PTER: variants seen among roughly 807,000 people sequenced by gnomAD.
The protein encoded by PTER is phosphotriesterase related, also known as N-acetyltaurine hydrolase.
PTER carries 38 observed loss-of-function variants against 29.6 expected under a neutral mutation model. The observed-to-expected ratio is 1.28, with a 90% CI of 0.99 to 1.68. The LOEUF (loss-of-function observed/expected upper bound fraction) is 1.68, where lower values mean the gene tolerates loss of function less well. PTER is among the 40% of genes most tolerant of loss of function. The probability of loss-of-function intolerance (pLI) is 0.00; values close to 1 mark genes in which losing one functional copy is unlikely to be tolerated. For missense variants in PTER, 482 were observed against 427.8 expected (o/e 1.13, Z -1.12); for synonymous variants, 172 against 154.5 (o/e 1.11, Z -0.84).
intron 3 of PTER, among the ~76,000 whole-genome samples, chr10:16,492,017 G>C (rs1046837805): frequency 2.0e-5 from 3 of 152,132 alleles, no homozygotes; most frequent in Non-Finnish European, 2.9e-5. Flanking sequence ...AGGGGCATTT[G>C]GGACCCTGAG....
chr10:16,496,838 G>A (rs1836124616), intron 3 of PTER, among the ~76,000 whole-genome samples: 1 of 151,954 alleles, frequency 6.6e-6, no homozygotes, highest in Admixed American at 6.6e-5. Flanking sequence ...ATGGATGGAT[G>A]ATTCCCCTCT....
chr10:16,513,283 C>T lies in PTER; in HGVS notation c.*2027C>T, dbSNP rs1588638911. On this transcript the variant is annotated 3_prime_UTR_variant, in exon 5 of 5. Coordinates refer to ENST00000535784, the MANE Select transcript of PTER (RefSeq NM_001261836.2). ...TATTGTCATTCAAAATATATTTTAA[C>T]CCAAAATAAGTTAAATAATTTGTGC... The T allele has an allele frequency of 6.6e-6, 1 of 152,454 alleles. No individual in the cohort carries two copies. The highest frequency in any genetic ancestry group is 1.5e-5 in the Non-Finnish European group (1 of 67,954). 9.4% of individuals were successfully genotyped at this position (152,454 alleles called of 1,614,324 possible). A position where few individuals can be genotyped will look rare whatever the true frequency, so the allele number is the denominator to read the frequency against.
At chr10:16,440,481 C>G (rs1230315447) in intron 1 of PTER, among the ~76,000 whole-genome samples, 1 of 152,162 alleles carries the variant, frequency 6.6e-6, no homozygotes, top group Non-Finnish European at 1.5e-5. Context: ...TGTGGTTGTA[C>G]CTATTTTGTC....
intron 1 of PTER, among the ~76,000 whole-genome samples, chr10:16,451,810 C>T (rs1395372291): frequency 3.3e-5 from 5 of 152,008 alleles, no homozygotes; most frequent in Non-Finnish European, 5.9e-5. Context: ...GTTATTACCC[C>T]CCAGAAAAGG....
At chr10:16,448,099 C>G (rs1230265822) in intron 1 of PTER, among the ~76,000 whole-genome samples, 2 of 152,148 alleles carry the variant, frequency 1.3e-5, no homozygotes, top group East Asian at 3.9e-4. Flanking sequence ...CTACCAAAGC[C>G]CAGTAACTGG....
chr10:16,507,227 AATAT>A (rs1836609179), intron 4 of PTER, among the ~76,000 whole-genome samples: 1 of 129,324 alleles, frequency 7.7e-6, no homozygotes, highest in African/African-American at 3.1e-5. Flanking sequence ...TATATGTTCA[AATAT>A]ATATACTGTA....
chr10:16,497,707 C>T (rs934530608), intron 3 of PTER, among the ~76,000 whole-genome samples: 1 of 152,166 alleles, frequency 6.6e-6, no homozygotes, highest in Non-Finnish European at 1.5e-5. Context: ...GCCCACAGAC[C>T]CTTGTCTAAA....
At chr10:16,492,213 G>T (rs1835924282) in intron 3 of PTER, among the ~76,000 whole-genome samples, 1 of 152,152 alleles carries the variant, frequency 6.6e-6, no homozygotes, top group Non-Finnish European at 1.5e-5. Flanking sequence ...CCTGTTGGTT[G>T]CTGTGAATTT....
At chr10:16,478,279 G>A (rs762616121) in intron 1 of PTER, among the ~76,000 whole-genome samples, 15 of 151,596 alleles carry the variant, frequency 9.9e-5, no homozygotes, top group Non-Finnish European at 1.5e-4. Flanking sequence ...GTTGCACTTC[G>A]ATCTGGGTTG....
intron 1 of PTER, among the ~76,000 whole-genome samples, chr10:16,471,654 C>T (rs2133417768): frequency 6.6e-6 from 1 of 152,174 alleles, no homozygotes; most frequent in Admixed American, 6.6e-5. Flanking sequence ...TTATTTTCCT[C>T]ATTTTTTTCT....
intron 3 of PTER, among the ~76,000 whole-genome samples, chr10:16,497,759 A>T (rs1397911941): frequency 1.3e-5 from 2 of 152,192 alleles, no homozygotes; most frequent in African/African-American, 2.4e-5. Context: ...CACAGAGTGC[A>T]TTTTGACATT....
chr10:16,500,392 G>A (rs917739348), intron 3 of PTER, among the ~76,000 whole-genome samples: 9 of 152,034 alleles, frequency 5.9e-5, no homozygotes, highest in African/African-American at 2.2e-4. Context: ...TGGGACCACA[G>A]GCACACACCA....
At chr10:16,457,204 G>T (rs1324808861) in intron 1 of PTER, among the ~76,000 whole-genome samples, 1 of 151,314 alleles carries the variant, frequency 6.6e-6, no homozygotes, top group South Asian at 2.1e-4. Context: ...TGTTTTGTTT[G>T]TTTGTTTGTT....
At chr10:16,499,682 G>C (rs1400021747) in intron 3 of PTER, among the ~76,000 whole-genome samples, 1 of 151,968 alleles carries the variant, frequency 6.6e-6, no homozygotes, top group Non-Finnish European at 1.5e-5. Flanking sequence ...GAGCTCAAGT[G>C]ACCCTTCCAC....
chr10:16,502,812 A>T lies in PTER; in HGVS notation c.699-2208A>T, dbSNP rs184343162. 6.7e-3 allele frequency among the ~76,000 whole-genome samples: 1,021 copies of T among 151,880 alleles called. 7 individuals carry two copies. Among genetic ancestry groups the T allele is most frequent in the African/African-American group, 0.024 (987 of 41,390 alleles). On this transcript the variant is annotated intron_variant, in intron 3 of 4. Transcript: ENST00000535784. ...AAGACCAGCCTGGCCAACATGGCAAAACCCCGTCTTTACTAAAAATACAAC... is the reference window on the plus strand; with the variant it reads ...AAGACCAGCCTGGCCAACATGGCAATACCCCGTCTTTACTAAAAATACAAC...
At position 16,499,428 on chromosome 10, in the gene PTER, T is replaced by TTTTATTTA. The variant is rs144839001; in HGVS notation, c.699-5578_699-5571dup. The stretch of plus-strand genomic sequence containing the variant: ...CCCTTTTTTATTTTTAATTTAATTA[T>TTTTATTTA]TTTATTTATTTATTTATTTATATTT... On this transcript the variant is annotated intron_variant, in intron 3 of 4. Coordinates refer to ENST00000535784, the MANE Select transcript of PTER (RefSeq NM_001261836.2). Among the ~76,000 whole-genome samples the TTTTATTTA allele has an allele frequency of 9.2e-5, 14 of 151,362 alleles. No individual in the cohort carries two copies. In the East Asian group the frequency reaches 1.4e-3, roughly 15 times the overall value.
At chr10:16,475,916 G>T (rs1223600368) in intron 1 of PTER, 3 of 152,096 alleles carry the variant, frequency 2.0e-5, no homozygotes, top group African/African-American at 7.2e-5. Flanking sequence ...TAATTTTTTT[G>T]AAAGAACAAG....
Position 16,449,140 on chromosome 10 carries a change from T to A in PTER, c.-49+12093T>A, listed in dbSNP as rs1834114116. On this transcript the variant is annotated intron_variant, in intron 1 of 4. Coordinates refer to ENST00000535784, the MANE Select transcript of PTER (RefSeq NM_001261836.2). ...CTAATCTCTGCAGTCCCTCCAGGGA[T>A]GCAATATTGTTTTTGATTTACCATT... 2.6e-5 allele frequency among the ~76,000 whole-genome samples: 4 copies of A among 152,310 alleles called. No homozygotes were observed. In the South Asian group the frequency reaches 8.3e-4, roughly 32 times the overall value.
At chr10:16,517,212 C>A (rs528166395), downstream of PTER, among the ~76,000 whole-genome samples, 20 of 152,292 alleles carry the variant, frequency 1.3e-4, no homozygotes, top group African/African-American at 4.8e-4. Context: ...ACTCTAATAT[C>A]TTTTCTTATT....
Sources: allele counts gnomAD v4.1 joint callset (sites outside exome capture counted in the v4.1 genomes callset), GRCh38; gene constraint gnomAD v4.1.1; transcripts MANE v1.5; gene names NCBI Gene and HGNC (gene_info 2026-07-23, HGNC 2026-07-21).